Variants in UBA2 observed in about 807,000 individuals in gnomAD.
The protein encoded by UBA2 is ubiquitin like modifier activating enzyme 2, also known as SUMO-activating enzyme subunit 2.
In UBA2, 11 loss-of-function variants were observed where a neutral mutation model predicts 77.2. The observed-to-expected ratio is 0.14, with a 90% CI of 0.09 to 0.24. The LOEUF (loss-of-function observed/expected upper bound fraction) is 0.24. UBA2 is among the 10% of genes least tolerant of loss of function. The probability of loss-of-function intolerance (pLI) is 1.00; values close to 1 mark genes in which losing one functional copy is unlikely to be tolerated. For synonymous variants in UBA2, 278 were observed against 276.7 expected (o/e 1.00, Z -0.05); for missense variants, 487 against 781.7 (o/e 0.62, Z 4.50).
intron 13 of UBA2, among the ~76,000 whole-genome samples, chr19:34,459,576 AT>A: frequency 6.6e-6 from 1 of 152,274 alleles, no homozygotes; most frequent in East Asian, 1.9e-4. Flanking sequence ...GAGGGAAGAA[AT>A]GGGGGTTTAG....
chr19:34,461,225 G>A (rs1212469518), intron 14 of UBA2, among the ~76,000 whole-genome samples: 2 of 152,008 alleles, frequency 1.3e-5, no homozygotes, highest in African/African-American at 2.4e-5. Context: ...TGTTATTTTC[G>A]AAGGTTTCTA....
chr19:34,462,158 G>A (rs1357050936), intron 14 of UBA2, among the ~76,000 whole-genome samples: 7 of 152,144 alleles, frequency 4.6e-5, no homozygotes, highest in African/African-American at 1.2e-4. Flanking sequence ...AGAGGAAGGG[G>A]CAGTATTTCA....
At chr19:34,457,767 G>A (rs2075584420) in intron 12 of UBA2, among the ~76,000 whole-genome samples, 1 of 152,154 alleles carries the variant, frequency 6.6e-6, no homozygotes, top group African/African-American at 2.4e-5. Flanking sequence ...TCAGCTTCTT[G>A]TCTTCTGACA....
In UBA2 at chr19:34,428,538, C is replaced by A; in HGVS notation, c.106C>A (p.Leu36Ile). The A allele has an allele frequency of 7.7e-7, 1 of 1,307,004 alleles. No homozygotes were observed. Among genetic ancestry groups the A allele is most frequent in the South Asian group, 3.2e-5 (1 of 30,922 alleles). The allele number at this position is 1,307,004 out of a possible 1,614,324, so 81.0% of individuals were successfully genotyped here. A position where few individuals can be genotyped will look rare whatever the true frequency, so the allele number is the denominator to read the frequency against. ...CATCGGCTGCGAGCTCCTCAAGAAT[C>A]TCGTGCTCACCGGTTTCTCCCACAT... ...GGIGCELLKN[L>I]VLTGFSHIDL... is the part of the protein sequence containing the mutation. Residue 36 changes from leucine to isoleucine, a missense_variant, in exon 1 of 17, where the codon CTC becomes ATC. Around this residue, in one of 9 missense-constraint regions of UBA2, gnomAD observed 19 missense variants for 17.7 expected, o/e 1.07. Transcript: ENST00000246548.
intron 15 of UBA2, among the ~76,000 whole-genome samples, chr19:34,466,449 GT>G (rs1198814329): frequency 2.0e-5 from 3 of 152,222 alleles, no homozygotes; most frequent in Admixed American, 2.0e-4. Flanking sequence ...TTTGGACCCA[GT>G]TTTATGCTTC....
At chr19:34,457,175 AAAAAATATATATAT>A (rs1446880235) in intron 12 of UBA2, among the ~76,000 whole-genome samples, 64 of 78,006 alleles carry the variant, frequency 8.2e-4, no homozygotes, top group African/African-American at 5.3e-3. Context: ...CTAAAAAAAA[AAAAAATATATATAT>A]ATATATATAT....
At chr19:34,462,553 CTG>C (rs1294332300) in intron 14 of UBA2, among the ~76,000 whole-genome samples, 5 of 152,100 alleles carry the variant, frequency 3.3e-5, no homozygotes, top group African/African-American at 9.6e-5. Context: ...CTAGGAGAAA[CTG>C]TTAGTATTTT....
chr19:34,436,532 C>G (rs1387216420), intron 5 of UBA2, among the ~76,000 whole-genome samples: 2 of 152,180 alleles, frequency 1.3e-5, no homozygotes, highest in East Asian at 3.9e-4. Context: ...CTCCTGACCT[C>G]AGGTGATCCA....
At position 34,445,684 on chromosome 19, in the gene UBA2, C is replaced by T. The variant is rs1482201667; in HGVS notation, c.771+563C>T. Among the ~76,000 whole-genome samples the T allele has an allele frequency of 2.0e-5, 3 of 152,044 alleles. No individual in the cohort carries two copies. The East Asian group carries it at 5.8e-4, about 29-fold the overall frequency. ...AACTCCTGACTGCAAGTGATCTGCC[C>T]ACCTTGGCTTCCCAAAGTGATGGGA... On this transcript the variant is annotated intron_variant, in intron 8 of 16. Transcript: ENST00000246548.
chr19:34,466,916 G>A lies in UBA2; in HGVS notation c.1643G>A (p.Gly548Asp). The change falls in exon 16 of 17, where the codon GGT (glycine) becomes GAT (aspartate). Residue 548 changes from glycine (G) to aspartate (D), a missense_variant. Around this residue, in one of 9 missense-constraint regions of UBA2, gnomAD observed 300 missense variants for 454.3 expected, o/e 0.66. Transcript: ENST00000246548. The part of the protein sequence containing the change: ...LGKDVEFEVV[G>D]DAPEKVGPKQ... ...AAGGACGTTGAATTTGAAGTTGTTGGTGATGCCCCGGAAAAAGTGGGGCCC... is the reference window on the plus strand; with the variant it reads ...AAGGACGTTGAATTTGAAGTTGTTGATGATGCCCCGGAAAAAGTGGGGCCC... 2 of 1,613,666 alleles carry A rather than the reference G, an allele frequency of 1.2e-6. No homozygotes were observed. Among genetic ancestry groups the A allele is most frequent in the African/African-American group, 1.3e-5 (1 of 74,974 alleles).
At chr19:34,442,167 C>T (rs970725589) in intron 6 of UBA2, among the ~76,000 whole-genome samples, 5 of 151,982 alleles carry the variant, frequency 3.3e-5, no homozygotes, top group Admixed American at 1.3e-4. Context: ...CCTAGGAGGT[C>T]GAGGCTGCAG....
At chr19:34,443,818 A>G in intron 6 of UBA2, 26 bp from the exon 7 acceptor site, 1 of 1,367,400 alleles carries the variant, frequency 7.3e-7, no homozygotes, top group African/African-American at 1.4e-5. Flanking sequence ...TGTTATACAG[A>G]AGTATTTACT....
chr19:34,449,329 A>G (rs1211762090), intron 8 of UBA2, among the ~76,000 whole-genome samples: 1 of 55,988 alleles, frequency 1.8e-5, no homozygotes, highest in Non-Finnish European at 6.7e-5. Context: ...TGGTCTCCCA[A>G]AGTGCTGGAT....
In UBA2 at chr19:34,437,384, C is replaced by T. The variant is rs538666484; in HGVS notation, c.460-1261C>T. On this transcript the variant is annotated intron_variant, in intron 5 of 16. Coordinates refer to ENST00000246548, the MANE Select transcript of UBA2 (RefSeq NM_005499.3). ...CAGCACTTTGGGAGGCCAAGGCGGG[C>T]GGATCACCTGAGGTAAGGAGTTCGA... Among the ~76,000 whole-genome samples the T allele has an allele frequency of 1.4e-3, 216 of 150,676 alleles. 5 individuals carry two copies. The highest frequency in any genetic ancestry group is 4.9e-3 in the African/African-American group (203 of 41,148).
At position 34,428,444 on chromosome 19, in the gene UBA2, G is replaced by A. The variant is rs761881393; in HGVS notation, c.12G>A (p.Ser4=). ...GTGGTTGTCCCGCCATGGCACTGTC[G>A]CGGGGGCTGCCCCGGGAGCTGGCTG... is the stretch of plus-strand genomic sequence containing the variant. The part of the protein sequence containing the change: MAL[S]RGLPRELAEA... The change falls in exon 1 of 17, where the codon TCG becomes TCA. Residue 4 remains serine, a synonymous_variant. Transcript: ENST00000246548. 9 of 1,273,986 alleles carry A rather than the reference G, an allele frequency of 7.1e-6. No individual in the cohort carries two copies. The highest frequency in any genetic ancestry group is 9.9e-7 in the Non-Finnish European group (1 of 1,007,192). The allele number at this position is 1,273,986 out of a possible 1,614,324, so 78.9% of individuals were successfully genotyped here. A position where few individuals can be genotyped will look rare whatever the true frequency, so the allele number is the denominator to read the frequency against.
Position 34,467,053 on chromosome 19 carries a change from C to T in UBA2, c.1741+39C>T, listed in dbSNP as rs764582489. ...CAGCCAGCAGGTTGTTAAATACCCACAAAGCAGAAGTAAAAACAAACTGAT... is the reference window on the plus strand; with the variant it reads ...CAGCCAGCAGGTTGTTAAATACCCATAAAGCAGAAGTAAAAACAAACTGAT... On this transcript the variant is annotated intron_variant, in intron 16 of 16. Coordinates refer to ENST00000246548, the MANE Select transcript of UBA2 (RefSeq NM_005499.3). The T allele has an allele frequency of 5.1e-5, 81 of 1,599,276 alleles. 1 individual carries two copies. The East Asian group carries it at 1.8e-3, about 35-fold the overall frequency.
chr19:34,430,709 G>T (rs1267406842), intron 2 of UBA2, 50 bp downstream of exon 2: 4 of 1,431,726 alleles, frequency 2.8e-6, no homozygotes, highest in South Asian at 1.2e-5. Flanking sequence ...GCTTCTATTT[G>T]TGATACCAGA....
rs377734369 is a variant in UBA2, at chr19:34,437,769, A to G, written c.460-876A>G. 3.8e-4 allele frequency among the ~76,000 whole-genome samples: 57 copies of G among 151,874 alleles called. 2 individuals carry two copies. The South Asian group carries it at 0.011, about 30-fold the overall frequency. ...TTAAACTTGAATGTGTATCAATAAAATGGGCTGGGCGCAGTGGCTCACGCC... is the reference window on the plus strand; with the variant it reads ...TTAAACTTGAATGTGTATCAATAAAGTGGGCTGGGCGCAGTGGCTCACGCC... On this transcript the variant is annotated intron_variant, in intron 5 of 16. Coordinates refer to ENST00000246548, the MANE Select transcript of UBA2 (RefSeq NM_005499.3).
In UBA2 at chr19:34,469,770, CTGTG is replaced by C. The variant is rs1164854388; in HGVS notation, c.*551_*554del. The C allele has an allele frequency of 1.3e-5, 2 of 152,518 alleles. No homozygotes were observed. Among genetic ancestry groups the C allele is most frequent in the Non-Finnish European group, 2.9e-5 (2 of 68,032 alleles). 9.4% of individuals were successfully genotyped at this position (152,518 alleles called of 1,614,324 possible). A position where few individuals can be genotyped will look rare whatever the true frequency, so the allele number is the denominator to read the frequency against. On this transcript the variant is annotated 3_prime_UTR_variant, in exon 17 of 17. Coordinates refer to ENST00000246548, the MANE Select transcript of UBA2 (RefSeq NM_005499.3). Reference sequence around the variant, plus strand: ...TTTCAGTTTGTACCGCCTGGTATGTCTGTGTAAGAAGCCAATTTTTGTGTATTGT... The same window carrying C: ...TTTCAGTTTGTACCGCCTGGTATGTCTAAGAAGCCAATTTTTGTGTATTGT...
Sources: allele counts gnomAD v4.1 joint callset (sites outside exome capture counted in the v4.1 genomes callset), GRCh38; gene constraint gnomAD v4.1.1; regional missense constraint gnomAD v4.1.1; transcripts MANE v1.5; gene names NCBI Gene and HGNC (gene_info 2026-07-23, HGNC 2026-07-21).